FAM13A: variants seen among roughly 807,000 people sequenced by gnomAD.
FAM13A encodes the protein protein FAM13A.
In FAM13A, 76 loss-of-function variants were observed where a neutral mutation model predicts 129.6. The observed-to-expected ratio is 0.59, with a 90% confidence interval of 0.49 to 0.71. The LOEUF is 0.71. FAM13A is among the 30% of genes least tolerant of loss of function. The pLI is 0.00. For synonymous variants in FAM13A, 443 were observed against 449.9 expected (o/e 0.98, Z 0.20); for missense variants, 1,108 against 1,249.3 (o/e 0.89, Z 1.70).
intron 3 of FAM13A, among the ~76,000 whole-genome samples, chr4:89,000,865 T>A (rs1157966093): frequency 2.0e-5 from 3 of 152,240 alleles, no homozygotes; most frequent in African/African-American, 4.8e-5. Context: ...ACAATTTTTT[T>A]AAAAGAATAA....
At chr4:88,787,263 T>TAA (rs1233867392) in intron 10 of FAM13A, among the ~76,000 whole-genome samples, 1 of 152,182 alleles carries the variant, frequency 6.6e-6, no homozygotes, top group African/African-American at 2.4e-5. Flanking sequence ...TGAGTAGATT[T>TAA]AAGCCCAACC....
intron 6 of FAM13A, among the ~76,000 whole-genome samples, chr4:88,904,159 A>T (rs1215893416): frequency 6.6e-6 from 1 of 152,230 alleles, no homozygotes; most frequent in Non-Finnish European, 1.5e-5. Context: ...ATGCTTTTAC[A>T]GTGTTGGTGG....
chr4:88,735,775 G>C (rs1353336399), intron 21 of FAM13A, among the ~76,000 whole-genome samples: 1 of 152,148 alleles, frequency 6.6e-6, no homozygotes, highest in African/African-American at 2.4e-5. Context: ...GTTTACAAAA[G>C]CAAAGTAGTC....
At chr4:88,948,799 G>T (rs1432953663) in intron 4 of FAM13A, among the ~76,000 whole-genome samples, 1 of 152,098 alleles carries the variant, frequency 6.6e-6, no homozygotes, top group Non-Finnish European at 1.5e-5. Flanking sequence ...GGGCTATATG[G>T]CTGTATCTTA....
intron 10 of FAM13A, among the ~76,000 whole-genome samples, chr4:88,785,468 G>A (rs377388973): frequency 7.4e-4 from 112 of 152,106 alleles, no homozygotes; most frequent in South Asian, 5.0e-3. Context: ...CCTTTATGGC[G>A]GCTCATTGAA....
intron 3 of FAM13A, among the ~76,000 whole-genome samples, chr4:89,008,775 A>C (rs1765378223): frequency 6.6e-6 from 1 of 152,232 alleles, no homozygotes; most frequent in Admixed American, 6.5e-5. Flanking sequence ...TCTTGACCCA[A>C]AACAGGCACT....
chr4:88,802,702 C>T (rs578060918), intron 8 of FAM13A, among the ~76,000 whole-genome samples: 108 of 152,290 alleles, frequency 7.1e-4, no homozygotes, highest in African/African-American at 2.5e-3. Context: ...TTCTTCTCCC[C>T]TAGCCACAGC....
intron 3 of FAM13A, among the ~76,000 whole-genome samples, chr4:89,013,264 T>C (rs908249877): frequency 1.6e-4 from 23 of 146,364 alleles, no homozygotes; most frequent in African/African-American, 5.7e-4. Context: ...ATAGAGACAA[T>C]AAAATATATA....
chr4:88,872,712 A>G (rs1741640401), intron 6 of FAM13A, among the ~76,000 whole-genome samples: 1 of 152,206 alleles, frequency 6.6e-6, no homozygotes, highest in Non-Finnish European at 1.5e-5. Context: ...ACCCACTGTC[A>G]ATATTAGACA....
intron 6 of FAM13A, among the ~76,000 whole-genome samples, chr4:88,899,848 G>A (rs1746981915): frequency 6.6e-6 from 1 of 152,058 alleles, no homozygotes; most frequent in Non-Finnish European, 1.5e-5. Flanking sequence ...AGCTAAAGGA[G>A]CATGTTGTAA....
intron 19 of FAM13A, among the ~76,000 whole-genome samples, chr4:88,739,381 C>CT (rs1739702531): frequency 6.6e-6 from 1 of 152,084 alleles, no homozygotes; most frequent in African/African-American, 2.4e-5. Context: ...TAGGATCATT[C>CT]TTAGGTTCCT....
At chr4:89,014,969 C>T (rs377105790) in intron 3 of FAM13A, among the ~76,000 whole-genome samples, 15 of 152,222 alleles carry the variant, frequency 9.9e-5, no homozygotes, top group African/African-American at 2.4e-4. Flanking sequence ...GGAGAAATAT[C>T]GCTGAATTCT....
At chr4:88,971,876 T>A (rs1448878962) in intron 4 of FAM13A, among the ~76,000 whole-genome samples, 1 of 152,148 alleles carries the variant, frequency 6.6e-6, no homozygotes, top group East Asian at 1.9e-4. Context: ...CCTAACATAA[T>A]GAGAATATAA....
intron 5 of FAM13A, among the ~76,000 whole-genome samples, chr4:88,907,362 C>T (rs749883901): frequency 6.6e-5 from 10 of 152,166 alleles, no homozygotes; most frequent in Non-Finnish European, 1.3e-4. Context: ...CTAAATCATA[C>T]ATTTTTTAAA....
chr4:88,962,271 T>C (rs1758732325), intron 4 of FAM13A, among the ~76,000 whole-genome samples: 1 of 152,136 alleles, frequency 6.6e-6, no homozygotes, highest in Non-Finnish European at 1.5e-5. Context: ...ACTATATGGA[T>C]TTTAATACAA....
At chr4:88,983,831 C>A (rs900447289) in intron 4 of FAM13A, among the ~76,000 whole-genome samples, 2 of 152,002 alleles carry the variant, frequency 1.3e-5, no homozygotes, top group African/African-American at 2.4e-5. Context: ...ATACAATGAA[C>A]CTAGACTAGT....
At chr4:89,040,593 G>A (rs1209848528) in intron 1 of FAM13A, among the ~76,000 whole-genome samples, 1 of 152,186 alleles carries the variant, frequency 6.6e-6, no homozygotes, top group Admixed American at 6.5e-5. Context: ...TGAAATTAGG[G>A]AACTTGAGTT....
intron 10 of FAM13A, among the ~76,000 whole-genome samples, chr4:88,782,167 A>T (rs1448302092): frequency 6.6e-6 from 1 of 152,146 alleles, no homozygotes; most frequent in East Asian, 1.9e-4. Context: ...CTCTTTCATG[A>T]CATAGTTGTA....
chr4:88,793,823 G>A (rs1725650742), intron 8 of FAM13A, among the ~76,000 whole-genome samples: 1 of 151,938 alleles, frequency 6.6e-6, no homozygotes, highest in South Asian at 2.1e-4. Context: ...ATACATTTAT[G>A]GTTTATTAGA....
Sources: gnomAD v4.1 joint callset for allele counts (sites outside exome capture counted in the v4.1 genomes callset) on GRCh38, gnomAD v4.1.1 for gene constraint, MANE v1.5 for transcripts, NCBI Gene and HGNC (gene_info 2026-07-23, HGNC 2026-07-21) for gene names.